LRCH3: variants seen among roughly 807,000 people sequenced by gnomAD.
LRCH3 encodes the protein DISP complex protein LRCH3.
In LRCH3, 68 loss-of-function variants were observed where a neutral mutation model predicts 104.5. The observed-to-expected ratio is 0.65, with a 90% CI of 0.54 to 0.80. The LOEUF is 0.80. Ranked by LOEUF, LRCH3 falls within the 30% of genes least tolerant of loss-of-function variation. The probability of loss-of-function intolerance (pLI) is 0.00; values close to 1 mark genes in which losing one functional copy is unlikely to be tolerated. For synonymous variants in LRCH3, 344 were observed against 361.3 expected, an observed-to-expected ratio of 0.95 and a Z score of 0.54; for missense variants, 951 against 953.9, an observed-to-expected ratio of 1.00 and a Z score of 0.04.
chr3:197,831,375 AAAAAT>A (rs1292471103), intron 7 of LRCH3: 1 of 152,314 alleles, frequency 6.6e-6, no homozygotes, highest in Non-Finnish European at 1.5e-5. Context: ...AAAAAAGTAA[AAAAAT>A]AAATAAAAAT....
intron 9 of LRCH3, among the ~76,000 whole-genome samples, chr3:197,838,448 C>G (rs1162015276): frequency 1.4e-5 from 2 of 141,026 alleles, no homozygotes; most frequent in African/African-American, 6.2e-5. Context: ...GAGGTAGATG[C>G]TATTTCTTGG....
intron 17 of LRCH3, 105 bp from the exon 18 acceptor site, chr3:197,870,055 G>C: frequency 8.6e-7 from 1 of 1,161,246 alleles, no homozygotes; most frequent in Non-Finnish European, 1.2e-6. Flanking sequence ...GCAGGAGGTA[G>C]AAAGCCATGC....
chr3:197,854,517 C>T lies in LRCH3; in HGVS notation c.1644+72C>T. On this transcript the variant is annotated intron_variant, in intron 14 of 20. Transcript: ENST00000425562. The surrounding 1 kb of genome is among the most constrained non-coding windows in gnomAD (Gnocchi z 4.5). The stretch of plus-strand genomic sequence containing the variant: ...ATTGTACTTTTTATTCAGAAACTAT[C>T]TAAATACCATAAAACATGATGAACA... The T allele has an allele frequency of 7.5e-7, 1 of 1,335,406 alleles. No individual in the cohort carries two copies. The highest frequency in any genetic ancestry group is 1.1e-6 in the Non-Finnish European group (1 of 926,206). 82.7% of individuals were successfully genotyped at this position (1,335,406 alleles called of 1,614,324 possible).
In LRCH3 at chr3:197,817,293, G is replaced by C. The variant is rs1246910880; in HGVS notation, c.525G>C (p.Leu175Phe). The change falls in exon 3 of 21, where the codon TTG becomes TTC. Residue 175 changes from leucine (L) to phenylalanine (F), a missense_variant. Transcript: ENST00000425562. ...LPEEIGHLRH[L>F]MELDVSCNEI... is the part of the protein sequence containing the mutation. ...AAGAAATTGGACACCTTAGACATTT[G>C]ATGGAACTTGTAAGTTAATATTTTT... 1 of 1,506,052 alleles carries C rather than the reference G, an allele frequency of 6.6e-7. No homozygotes were observed. The highest frequency in any genetic ancestry group is 9.0e-7 in the Non-Finnish European group (1 of 1,109,710). The allele number at this position is 1,506,052 out of a possible 1,614,324, so 93.3% of individuals were successfully genotyped here.
rs1714212435 is a variant in LRCH3, at chr3:197,886,643, A to G, written c.*2977A>G. The G allele has an allele frequency of 6.6e-6, 1 of 152,084 alleles. No individual in the cohort carries two copies. Among genetic ancestry groups the G allele is most frequent in the Non-Finnish European group, 1.5e-5 (1 of 68,036 alleles). 9.4% of individuals were successfully genotyped at this position (152,084 alleles called of 1,614,324 possible). A position where few individuals can be genotyped will look rare whatever the true frequency, so the allele number is the denominator to read the frequency against. On this transcript the variant is annotated 3_prime_UTR_variant, in exon 21 of 21. Coordinates refer to ENST00000425562, the MANE Select transcript of LRCH3 (RefSeq NM_001365715.1). ...AACATGGTGAAACCTTGTCTCTACTAAAAATACAAAAATTAGCTGGGCGTG... is the reference window on the plus strand; with the variant it reads ...AACATGGTGAAACCTTGTCTCTACTGAAAATACAAAAATTAGCTGGGCGTG...
Position 197,810,895 on chromosome 3 carries a change from A to G in LRCH3, c.263-4013A>G, listed in dbSNP as rs1017474458. 6.6e-6 allele frequency among the ~76,000 whole-genome samples: 1 copy of G among 152,226 alleles called. No homozygotes were observed. The highest frequency in any genetic ancestry group is 2.4e-5 in the African/African-American group (1 of 41,462). Reference sequence around the variant, plus strand: ...AGGTTAAAAAAAATAAGACTTTTGAATGAAAAGCATTAGAAAAACTATGTT... The same window carrying G: ...AGGTTAAAAAAAATAAGACTTTTGAGTGAAAAGCATTAGAAAAACTATGTT... On this transcript the variant is annotated intron_variant, in intron 1 of 20. Coordinates refer to ENST00000425562, the MANE Select transcript of LRCH3 (RefSeq NM_001365715.1). The surrounding 1 kb of genome is among the most constrained non-coding windows in gnomAD (Gnocchi z 4.0).
chr3:197,824,980 A>G (rs1224668642), intron 4 of LRCH3, among the ~76,000 whole-genome samples: 1 of 152,226 alleles, frequency 6.6e-6, no homozygotes, highest in African/African-American at 2.4e-5. Context: ...CTTCCCAAGA[A>G]CACGTCATGG....
At chr3:197,812,438 T>G (rs1426035079) in intron 1 of LRCH3, among the ~76,000 whole-genome samples, 3 of 150,380 alleles carry the variant, frequency 2.0e-5, no homozygotes, top group Non-Finnish European at 4.4e-5. Flanking sequence ...TTCCATCTTT[T>G]GACTGTTGTG....
chr3:197,844,231 T>A (rs1738256676), intron 10 of LRCH3, among the ~76,000 whole-genome samples: 1 of 152,174 alleles, frequency 6.6e-6, no homozygotes, highest in African/African-American at 2.4e-5. Flanking sequence ...CTATTTCAGG[T>A]ACCTACAAGA....
rs1714156812 is a variant in LRCH3, at chr3:197,885,830, T to G, written c.*2164T>G. ...ACAAGTAAATAAAGTAAGCGGAAGATATCTCTTTTGTTTCTGTAGTTGTTA... is the reference window on the plus strand; with the variant it reads ...ACAAGTAAATAAAGTAAGCGGAAGAGATCTCTTTTGTTTCTGTAGTTGTTA... On this transcript the variant is annotated 3_prime_UTR_variant, in exon 21 of 21. Transcript: ENST00000425562. The G allele has an allele frequency of 6.6e-6, 1 of 152,244 alleles. No individual in the cohort carries two copies. The highest frequency in any genetic ancestry group is 1.5e-5 in the Non-Finnish European group (1 of 68,042). The allele number at this position is 152,244 out of a possible 1,614,324, so 9.4% of individuals were successfully genotyped here. A position where few individuals can be genotyped will look rare whatever the true frequency, so the allele number is the denominator to read the frequency against.
At position 197,832,215 on chromosome 3, in the gene LRCH3, G is replaced by C. The variant is rs1259846591; in HGVS notation, c.1000G>C (p.Asp334His). The change falls in exon 8 of 21, where the codon GAT (aspartate) becomes CAT (histidine). Residue 334 changes from aspartate to histidine, a missense_variant. By Grantham distance (81) the Asp-to-His change is moderately conservative. Transcript: ENST00000425562. ...TTTTAAGCCTACAGATGAATTTTCA[G>C]ATCTGCCTCTTCGAGTAGCAGAGAT... ...SGNEPTDEFSDLPLRVAEITK... is the reference protein window; with the variant it reads ...SGNEPTDEFSHLPLRVAEITK... 2.5e-6 allele frequency: 4 copies of C among 1,612,738 alleles called. No individual in the cohort carries two copies. Among genetic ancestry groups the C allele is most frequent in the Non-Finnish European group, 3.4e-6 (4 of 1,179,092 alleles).
chr3:197,859,056 T>A, intron 15 of LRCH3, 151 bp downstream of exon 15: 1 of 640,952 alleles, frequency 1.6e-6, no homozygotes, highest in Non-Finnish European at 2.8e-6. Flanking sequence ...TTGATTTCCC[T>A]TGAAATTTTT....
intron 9 of LRCH3, among the ~76,000 whole-genome samples, chr3:197,838,540 T>C (rs866693111): frequency 6.6e-6 from 1 of 152,240 alleles, no homozygotes; most frequent in Non-Finnish European, 1.5e-5. Flanking sequence ...CCTTGATGAA[T>C]AACCATTTTG....
At chr3:197,823,055 T>C (rs1734673754) in intron 4 of LRCH3, 4 of 151,148 alleles carry the variant, frequency 2.6e-5, no homozygotes, top group Admixed American at 2.6e-4. Context: ...AGTGGAGTGA[T>C]CTTGGCTCAC....
intron 20 of LRCH3, chr3:197,881,881 T>C (rs1713805416): frequency 2.0e-6 from 2 of 985,402 alleles, no homozygotes; most frequent in Non-Finnish European, 2.4e-6. Context: ...ACTGGTTTGG[T>C]TTTCTTCCAT....
chr3:197,851,906 G>A (rs1431349927), intron 12 of LRCH3, among the ~76,000 whole-genome samples: 1 of 152,226 alleles, frequency 6.6e-6, no homozygotes, highest in Non-Finnish European at 1.5e-5. Context: ...AGGCTTTGCA[G>A]TCGGAAGGCA....
At chr3:197,791,927 A>G (rs1464330398) in intron 1 of LRCH3, among the ~76,000 whole-genome samples, 1 of 152,166 alleles carries the variant, frequency 6.6e-6, no homozygotes, top group Non-Finnish European at 1.5e-5. Flanking sequence ...TTCACAGATC[A>G]GAGTAGCAGG....
intron 1 of LRCH3, among the ~76,000 whole-genome samples, chr3:197,798,269 T>A (rs200136490): frequency 0.022 from 3,211 of 149,334 alleles, 81 homozygotes; most frequent in African/African-American, 0.073. Flanking sequence ...TCAAAAAAAA[T>A]AAATAAATAA....
intron 5 of LRCH3, among the ~76,000 whole-genome samples, chr3:197,829,275 A>T (rs1046177111): frequency 2.6e-5 from 4 of 152,362 alleles, no homozygotes; most frequent in African/African-American, 9.6e-5. Flanking sequence ...TATGCAAACT[A>T]GTCAGTGTGA....
Sources: allele counts gnomAD v4.1 joint callset (sites outside exome capture counted in the v4.1 genomes callset), GRCh38; gene constraint gnomAD v4.1.1; non-coding constraint Gnocchi (gnomAD v3.1); transcripts MANE v1.5; gene names NCBI Gene and HGNC (gene_info 2026-07-23, HGNC 2026-07-21).